The following ROBO1 variants were observed in gnomAD, a reference collection of about 807,000 sequenced individuals.
ROBO1 encodes the protein roundabout homolog 1.
In ROBO1, 149 loss-of-function variants were observed where a neutral mutation model predicts 195.9. The observed-to-expected ratio is 0.76, with a 90% CI of 0.67 to 0.87. The LOEUF (loss-of-function observed/expected upper bound fraction) is 0.87, where lower values mean the gene tolerates loss of function less well. Among genes scored for constraint, ROBO1 ranks in the 40% least tolerant of loss-of-function variants. The pLI is 0.00. For synonymous variants in ROBO1, 816 were observed against 733.2 expected (o/e 1.11, Z -1.82); for missense variants, 1,933 against 2,068.3 (o/e 0.93, Z 1.27).
At chr3:79,442,841 A>G (rs371302158) in intron 2 of ROBO1, among the ~76,000 whole-genome samples, 16 of 152,282 alleles carry the variant, frequency 1.1e-4, no homozygotes, top group African/African-American at 3.8e-4. Context: ...AGGATGTATC[A>G]TAGAAACATT....
intron 5 of ROBO1, among the ~76,000 whole-genome samples, chr3:78,741,906 A>C (rs1368934910): frequency 2.0e-5 from 3 of 152,160 alleles, no homozygotes; most frequent in African/African-American, 7.2e-5. Context: ...GTGCCAAAAA[A>C]GTTCTAAAAG....
At chr3:79,642,250 TG>T (rs1432324952) in intron 1 of ROBO1, among the ~76,000 whole-genome samples, 1 of 152,036 alleles carries the variant, frequency 6.6e-6, no homozygotes, top group Non-Finnish European at 1.5e-5. Context: ...AGAATGCAAT[TG>T]AACAAAGATT....
chr3:78,947,148 G>A lies in ROBO1; in HGVS notation c.173-8221C>T, dbSNP rs557658291. ...AAGTTAACAAGGATACCAAGGAACTGAACTCAGCTCTGCACCAAGCGGACC... is the reference window on the plus strand; with the variant it reads ...AAGTTAACAAGGATACCAAGGAACTAAACTCAGCTCTGCACCAAGCGGACC... On this transcript the variant is annotated intron_variant, in intron 3 of 30. Coordinates refer to ENST00000464233, the MANE Select transcript of ROBO1 (RefSeq NM_002941.4). Among the ~76,000 whole-genome samples the A allele has an allele frequency of 4.6e-5, 7 of 152,242 alleles. No homozygotes were observed. The South Asian group carries it at 1.5e-3, about 32-fold the overall frequency.
At chr3:78,809,062 C>A (rs905934870) in intron 4 of ROBO1, among the ~76,000 whole-genome samples, 15 of 151,972 alleles carry the variant, frequency 9.9e-5, no homozygotes, top group African/African-American at 3.6e-4. Flanking sequence ...GAACAGGCAA[C>A]CTACAGAATG....
At chr3:79,370,978 T>C (rs551284101) in intron 2 of ROBO1, among the ~76,000 whole-genome samples, 1 of 152,244 alleles carries the variant, frequency 6.6e-6, no homozygotes, top group East Asian at 1.9e-4. Context: ...AGAAGGATGG[T>C]TTCCAGCTCC....
chr3:79,092,424 T>C (rs1010423057), intron 3 of ROBO1, among the ~76,000 whole-genome samples: 11 of 152,064 alleles, frequency 7.2e-5, no homozygotes, highest in Admixed American at 7.2e-4. Flanking sequence ...GATATACTGG[T>C]CTGTGTTTAA....
At chr3:79,733,936 C>A (rs1251804392) in intron 1 of ROBO1, among the ~76,000 whole-genome samples, 1 of 150,358 alleles carries the variant, frequency 6.7e-6, no homozygotes, top group Non-Finnish European at 1.5e-5. Context: ...TCATCACCAT[C>A]ATACAATCCT....
At chr3:78,907,622 A>T (rs1172568061) in intron 4 of ROBO1, among the ~76,000 whole-genome samples, 1 of 152,072 alleles carries the variant, frequency 6.6e-6, no homozygotes, top group Non-Finnish European at 1.5e-5. Context: ...TCACATGAAA[A>T]AGAAATATTA....
chr3:78,646,054 T>G (rs1706261888), intron 21 of ROBO1, 94 bp downstream of exon 21: 1 of 1,121,784 alleles, frequency 8.9e-7, no homozygotes, highest in Non-Finnish European at 1.3e-6. Flanking sequence ...ACCTTTAAGT[T>G]AGACTTTTTA....
At chr3:79,556,659 CAT>C (rs1476171987) in intron 2 of ROBO1, among the ~76,000 whole-genome samples, 1 of 151,848 alleles carries the variant, frequency 6.6e-6, no homozygotes, top group Non-Finnish European at 1.5e-5. Flanking sequence ...TATGTATGCA[CAT>C]ATATTTATAT....
chr3:79,267,148 T>C (rs1277712432), intron 2 of ROBO1, among the ~76,000 whole-genome samples: 1 of 151,462 alleles, frequency 6.6e-6, no homozygotes, highest in Non-Finnish European at 1.5e-5. Flanking sequence ...TTTCAAGAGC[T>C]TGAAAGGTAA....
At chr3:78,865,139 T>C (rs2035090579) in intron 4 of ROBO1, among the ~76,000 whole-genome samples, 1 of 152,178 alleles carries the variant, frequency 6.6e-6, no homozygotes, top group Non-Finnish European at 1.5e-5. Context: ...TGTCTTCATA[T>C]TTGACTTATT....
rs145470853 is a variant in ROBO1 at position 79,040,331 on chromosome 3, C to G, written c.172+85125G>C. Among the ~76,000 whole-genome samples, 617 of 152,260 alleles carry G rather than the reference C, an allele frequency of 4.1e-3. 3 individuals carry two copies. The highest frequency in any genetic ancestry group is 6.3e-3 in the Non-Finnish European group (426 of 68,006). ...ACAAAAAATGTTAAATCGTCATTGACTTCTTATTCATATAATTTCATAAGT... is the reference window on the plus strand; with the variant it reads ...ACAAAAAATGTTAAATCGTCATTGAGTTCTTATTCATATAATTTCATAAGT... On this transcript the variant is annotated intron_variant, in intron 3 of 30. Coordinates refer to ENST00000464233, the MANE Select transcript of ROBO1 (RefSeq NM_002941.4).
intron 4 of ROBO1, among the ~76,000 whole-genome samples, chr3:78,888,977 C>T (rs2036727466): frequency 1.3e-5 from 2 of 152,100 alleles, no homozygotes; most frequent in African/African-American, 4.8e-5. Context: ...CTAAAAAGTA[C>T]AATACTACAG....
At chr3:78,604,288 C>G (rs948827917) in intron 29 of ROBO1, among the ~76,000 whole-genome samples, 2 of 152,066 alleles carry the variant, frequency 1.3e-5, no homozygotes, top group African/African-American at 4.8e-5. Flanking sequence ...CCAGGCTGGT[C>G]TCAAACTCCT....
chr3:79,047,517 C>A (rs1196166304), intron 3 of ROBO1, among the ~76,000 whole-genome samples: 1 of 152,218 alleles, frequency 6.6e-6, no homozygotes, highest in East Asian at 1.9e-4. Context: ...AAGGGCAGGA[C>A]TGTCATCTTT....
chr3:78,900,455 T>C (rs1047098524), intron 4 of ROBO1, among the ~76,000 whole-genome samples: 7 of 152,188 alleles, frequency 4.6e-5, no homozygotes, highest in African/African-American at 1.4e-4. Flanking sequence ...GTTCTTATAC[T>C]GCAGCTCTAA....
intron 4 of ROBO1, among the ~76,000 whole-genome samples, chr3:78,878,618 G>A (rs1286457616): frequency 7.0e-6 from 1 of 143,676 alleles, no homozygotes; most frequent in African/African-American, 2.6e-5. Context: ...ACTGCATAAT[G>A]GGCACCTGTA....
chr3:78,682,573 C>T (rs2080947197), intron 10 of ROBO1, among the ~76,000 whole-genome samples: 1 of 145,932 alleles, frequency 6.9e-6, no homozygotes, highest in East Asian at 2.0e-4. Context: ...TGTATATACA[C>T]ATATATACAG....
Sources: gnomAD v4.1 joint callset for allele counts (sites outside exome capture counted in the v4.1 genomes callset) on GRCh38, gnomAD v4.1.1 for gene constraint, MANE v1.5 for transcripts, NCBI Gene and HGNC (gene_info 2026-07-23, HGNC 2026-07-21) for gene names.